FBXO11: variants seen among roughly 807,000 people sequenced by gnomAD.
The protein encoded by FBXO11 is F-box protein 11.
In FBXO11, 13 loss-of-function variants were observed where a neutral mutation model predicts 117.0. The observed-to-expected ratio is 0.11, with a 90% CI of 0.07 to 0.18. The LOEUF is 0.18. Ranked by LOEUF, FBXO11 falls within the 10% of genes least tolerant of loss-of-function variation. The pLI is 1.00. For missense variants in FBXO11, 767 were observed against 1,164.4 expected (o/e 0.66, Z 4.97); for synonymous variants, 490 against 380.5 (o/e 1.29, Z -3.35).
Position 47,839,372 on chromosome 2 carries a change from T to TA in FBXO11, c.442+46dup, listed in dbSNP as rs770798950. ...TTCATTTTTTGGTATCAAGCAAAAT[T>TA]AAAAAAAATTATTTTACCCTATTTG... On this transcript the variant is annotated intron_variant, in intron 3 of 22. Transcript: ENST00000403359. 1.7e-5 allele frequency: 26 copies of TA among 1,540,124 alleles called. 1 individual carries two copies. The highest frequency in any genetic ancestry group is 8.4e-5 in the African/African-American group (6 of 71,694).
chr2:47,866,875 A>C (rs1020573440), intron 1 of FBXO11, among the ~76,000 whole-genome samples: 7 of 152,188 alleles, frequency 4.6e-5, no homozygotes, highest in African/African-American at 1.7e-4. Context: ...CTCCATGATG[A>C]GCCTTGATCA....
intron 16 of FBXO11, chr2:47,818,398 T>G (rs1671155132): frequency 6.0e-6 from 1 of 165,896 alleles, no homozygotes; most frequent in South Asian, 2.0e-4. Context: ...TCAAAAACTA[T>G]TAATTTTACA....
chr2:47,882,040 G>A (rs1355476955), intron 1 of FBXO11, among the ~76,000 whole-genome samples: 1 of 152,084 alleles, frequency 6.6e-6, no homozygotes, highest in Non-Finnish European at 1.5e-5. Flanking sequence ...GAGTCACCAC[G>A]CCCAGCCCAC....
intron 1 of FBXO11, among the ~76,000 whole-genome samples, chr2:47,856,625 T>C (rs1035723484): frequency 1.3e-5 from 2 of 152,236 alleles, no homozygotes; most frequent in Non-Finnish European, 2.9e-5. Flanking sequence ...CTACGGACAG[T>C]TGTATCAGTT....
intron 1 of FBXO11, among the ~76,000 whole-genome samples, chr2:47,878,597 C>T (rs962798037): frequency 6.6e-6 from 1 of 151,798 alleles, no homozygotes; most frequent in Non-Finnish European, 1.5e-5. Flanking sequence ...CCTCGAACTC[C>T]TCAATCTGCC....
At chr2:47,831,559 T>C in intron 11 of FBXO11, among the ~76,000 whole-genome samples, 1 of 151,930 alleles carries the variant, frequency 6.6e-6, no homozygotes. Flanking sequence ...TTTGCTACAA[T>C]GTGGTGACCC....
chr2:47,883,550 TAAGG>T (rs1676590779), intron 1 of FBXO11: 1 of 365,662 alleles, frequency 2.7e-6, no homozygotes, highest in South Asian at 2.3e-5. Context: ...AGATCCAGGA[TAAGG>T]AAGAAATTCG....
chr2:47,861,069 C>T (rs1674735000), intron 1 of FBXO11, among the ~76,000 whole-genome samples: 1 of 151,634 alleles, frequency 6.6e-6, no homozygotes, highest in African/African-American at 2.4e-5. Context: ...AGGCTGGTTT[C>T]GAACTCCCAA....
At position 47,895,614 on chromosome 2, in the gene FBXO11, C is replaced by T. The variant is rs188701742; in HGVS notation, c.232+9875G>A. On this transcript the variant is annotated intron_variant, in intron 1 of 22. Coordinates refer to ENST00000403359, the MANE Select transcript of FBXO11 (RefSeq NM_001190274.2). ...TCAGGAAAAGTAATCAAGCTGTACACGGATGATTTGTGCACTTACATATTT... is the reference window on the plus strand; with the variant it reads ...TCAGGAAAAGTAATCAAGCTGTACATGGATGATTTGTGCACTTACATATTT... Among the ~76,000 whole-genome samples the T allele has an allele frequency of 5.3e-4, 80 of 152,288 alleles. 1 individual carries two copies. Among genetic ancestry groups the T allele is most frequent in the Middle Eastern group, 6.8e-3 (2 of 294 alleles).
intron 1 of FBXO11, among the ~76,000 whole-genome samples, chr2:47,904,772 G>A (rs952400666): frequency 5.9e-5 from 9 of 152,110 alleles, no homozygotes; most frequent in African/African-American, 2.2e-4. Context: ...CACGAGGGAG[G>A]GGGCTGGAAA....
At chr2:47,819,537 A>G (rs1671235321) in intron 14 of FBXO11, among the ~76,000 whole-genome samples, 1 of 152,056 alleles carries the variant, frequency 6.6e-6, no homozygotes, top group Admixed American at 6.6e-5. Flanking sequence ...TGTAGCCTCT[A>G]CCTGAGTTTT....
At chr2:47,873,537 C>T (rs1462255246) in intron 1 of FBXO11, among the ~76,000 whole-genome samples, 3 of 152,166 alleles carry the variant, frequency 2.0e-5, no homozygotes, top group Non-Finnish European at 2.9e-5. Flanking sequence ...CCCAGTGCTC[C>T]TGGGTTTTAT....
At chr2:47,809,393 A>G in intron 20 of FBXO11, 127 bp from the exon 21 acceptor site, 1 of 693,496 alleles carries the variant, frequency 1.4e-6, no homozygotes, top group Non-Finnish European at 2.4e-6. Flanking sequence ...TAACCAATGA[A>G]GTAATTGTAA....
intron 1 of FBXO11, among the ~76,000 whole-genome samples, chr2:47,853,156 C>T (rs771252617): frequency 6.6e-6 from 1 of 151,818 alleles, no homozygotes; most frequent in Admixed American, 6.6e-5. Flanking sequence ...ACTGCAACCT[C>T]CGCCTCCTGA....
chr2:47,870,303 C>A (rs1325078672), intron 1 of FBXO11, among the ~76,000 whole-genome samples: 1 of 152,156 alleles, frequency 6.6e-6, no homozygotes, highest in Non-Finnish European at 1.5e-5. Context: ...TAAAGAGTTG[C>A]TTCTGATTGC....
At chr2:47,877,875 G>A (rs1015909697) in intron 1 of FBXO11, among the ~76,000 whole-genome samples, 1 of 152,078 alleles carries the variant, frequency 6.6e-6, no homozygotes, top group Admixed American at 6.6e-5. Flanking sequence ...AGTAGAGATG[G>A]GGTTTTACCA....
intron 1 of FBXO11, among the ~76,000 whole-genome samples, chr2:47,885,126 A>T (rs552350661): frequency 2.2e-4 from 34 of 152,310 alleles, no homozygotes; most frequent in African/African-American, 7.7e-4. Context: ...GCCTAACAAC[A>T]ACTGTAAATG....
chr2:47,837,452 G>T lies in FBXO11; in HGVS notation c.587+1407C>A, dbSNP rs1022240623. 7.9e-5 allele frequency among the ~76,000 whole-genome samples: 12 copies of T among 152,094 alleles called. 1 individual carries two copies. In the South Asian group the frequency reaches 2.3e-3, roughly 29 times the overall value. ...TGAGGCAGGAGAATTGCTTGAACCC[G>T]GGAGGCAGAGGTTGCAGTGAGTCAA... On this transcript the variant is annotated intron_variant, in intron 4 of 22. Coordinates refer to ENST00000403359, the MANE Select transcript of FBXO11 (RefSeq NM_001190274.2).
intron 1 of FBXO11, among the ~76,000 whole-genome samples, chr2:47,848,142 AC>A (rs67606888): frequency 0.072 from 10,688 of 148,286 alleles, 414 homozygotes; most frequent in African/African-American, 0.1. Flanking sequence ...AAACAAACAA[AC>A]AAAAAAACAA....
Sources: allele counts gnomAD v4.1 joint callset (sites outside exome capture counted in the v4.1 genomes callset), GRCh38; gene constraint gnomAD v4.1.1; transcripts MANE v1.5; gene names NCBI Gene and HGNC (gene_info 2026-07-23, HGNC 2026-07-21).